The following PTPRN2 variants were observed in gnomAD, a reference collection of about 807,000 sequenced individuals.
The protein encoded by PTPRN2 is protein tyrosine phosphatase receptor type N2, also known as receptor-type tyrosine-protein phosphatase N2.
In PTPRN2, 74 loss-of-function variants were observed where a neutral mutation model predicts 118.8. The observed-to-expected ratio is 0.62, with a 90% CI of 0.52 to 0.76. PTPRN2 has a LOEUF of 0.76. Among genes scored for constraint, PTPRN2 ranks in the 30% least tolerant of loss-of-function variants. The pLI is 0.00. For synonymous variants in PTPRN2, 641 were observed against 608.0 expected (o/e 1.05, Z -0.80); for missense variants, 1,481 against 1,394.4 (o/e 1.06, Z -0.99).
chr7:158,348,968 C>T (rs1484801221), intron 2 of PTPRN2, among the ~76,000 whole-genome samples: 12 of 78,878 alleles, frequency 1.5e-4, no homozygotes, highest in African/African-American at 6.6e-4. Context: ...GGGTGGCCCA[C>T]GTCACTGCAC....
At chr7:157,878,858 C>G (rs1369705174) in intron 12 of PTPRN2, among the ~76,000 whole-genome samples, 3 of 120,514 alleles carry the variant, frequency 2.5e-5, no homozygotes, top group Non-Finnish European at 5.1e-5. Context: ...CCGAGGAGCT[C>G]TCGGATTCCG....
Position 157,615,014 on chromosome 7 carries a change from G to A in PTPRN2, c.2344+6348C>T, listed in dbSNP as rs1802664265. The stretch of plus-strand genomic sequence containing the variant: ...TTATAACGGGGCTGCAGCTACCTAG[G>A]AGAAGGCCCTTGTATTTAGGACCTG... On this transcript the variant is annotated intron_variant, in intron 15 of 22. Coordinates refer to ENST00000389418, the MANE Select transcript of PTPRN2 (RefSeq NM_002847.5). This position sits in a 1 kb window ranked among gnomAD's most constrained non-coding sequence, Gnocchi z 4.3. Among the ~76,000 whole-genome samples the A allele has an allele frequency of 6.6e-6, 1 of 152,198 alleles. No individual in the cohort carries two copies. The highest frequency in any genetic ancestry group is 6.5e-5 in the Admixed American group (1 of 15,282).
chr7:157,698,442 C>T (rs1044611861), intron 12 of PTPRN2, among the ~76,000 whole-genome samples: 2 of 152,238 alleles, frequency 1.3e-5, no homozygotes, highest in African/African-American at 4.8e-5. Flanking sequence ...GCTTGACATG[C>T]TTACATGAAA....
intron 6 of PTPRN2, among the ~76,000 whole-genome samples, chr7:158,141,630 T>C (rs1384067917): frequency 1.3e-5 from 2 of 152,224 alleles, no homozygotes; most frequent in Non-Finnish European, 2.9e-5. Flanking sequence ...ACACATTTTT[T>C]GAAGTGTTTT....
intron 12 of PTPRN2, among the ~76,000 whole-genome samples, chr7:157,772,282 G>GACAT (rs1563091979): frequency 8.3e-5 from 6 of 72,022 alleles, no homozygotes; most frequent in African/African-American, 3.6e-4. Flanking sequence ...GACATACACA[G>GACAT]ACACACAAAC....
rs111762867 is a variant in PTPRN2 at position 157,707,383 on chromosome 7, A to AC, written c.1789-24447dup. 9.2e-3 allele frequency among the ~76,000 whole-genome samples: 1,384 copies of AC among 151,032 alleles called. 19 individuals carry two copies. The highest frequency in any genetic ancestry group is 0.03 in the African/African-American group (1,247 of 41,074). ...AAGCACACATCACACGTGCATGGACACCCCCCCCACACACGTGGAGATAGA... is the reference window on the plus strand; with the variant it reads ...AAGCACACATCACACGTGCATGGACACCCCCCCCCACACACGTGGAGATAGA... On this transcript the variant is annotated intron_variant, in intron 12 of 22. Transcript: ENST00000389418.
rs1305654166 is a variant in PTPRN2 at position 157,858,114 on chromosome 7, CCA to C, written c.1788+40557_1788+40558del. Among the ~76,000 whole-genome samples the C allele has an allele frequency of 5.8e-3, 600 of 103,156 alleles. 4 individuals are homozygous for C. Among genetic ancestry groups the C allele is most frequent in the African/African-American group, 7.9e-3 (202 of 25,474 alleles). 67.7% of individuals were successfully genotyped at this position (103,156 alleles called of 152,430 possible). ...CCCACACTCCTGCAGGGAGAGCCTCCCAGCCACCACCCACACTCCTGCAGGGA... is the reference window on the plus strand; with the variant it reads ...CCCACACTCCTGCAGGGAGAGCCTCCGCCACCACCCACACTCCTGCAGGGA... On this transcript the variant is annotated intron_variant, in intron 12 of 22. Coordinates refer to ENST00000389418, the MANE Select transcript of PTPRN2 (RefSeq NM_002847.5).
chr7:158,508,278 C>T lies in PTPRN2; in HGVS notation c.113-18493G>A, dbSNP rs146757184. On this transcript the variant is annotated intron_variant, in intron 1 of 22. Transcript: ENST00000389418. Reference sequence around the variant, plus strand: ...GACACTGTGGTCATCCGAAAGCTTTCGATGGTCGGCAGGACTATGAATTGA... The same window carrying T: ...GACACTGTGGTCATCCGAAAGCTTTTGATGGTCGGCAGGACTATGAATTGA... Among the ~76,000 whole-genome samples the T allele has an allele frequency of 8.9e-3, 1,349 of 152,286 alleles. 18 individuals carry two copies. The highest frequency in any genetic ancestry group is 0.031 in the African/African-American group (1,275 of 41,560).
At chr7:158,333,923 ACT>A (rs1314214962) in intron 2 of PTPRN2, among the ~76,000 whole-genome samples, 838 of 135,178 alleles carry the variant, frequency 6.2e-3, no homozygotes, top group Middle Eastern at 7.5e-3. Context: ...TCACACCCAC[ACT>A]CTCACCATAA....
chr7:158,119,065 C>T (rs542323573), intron 9 of PTPRN2, among the ~76,000 whole-genome samples: 2 of 152,234 alleles, frequency 1.3e-5, no homozygotes, highest in African/African-American at 2.4e-5. Flanking sequence ...TTTAGTTTAA[C>T]GTAAAATTTC....
In PTPRN2 at chr7:158,072,710, G is replaced by A. The variant is rs1585347451; in HGVS notation, c.1723+8588C>T. ...TGACTCTGTGTTAGTCTGATCAACTGTGCACTCACAGGGGACACCAACTGC... is the reference window on the plus strand; with the variant it reads ...TGACTCTGTGTTAGTCTGATCAACTATGCACTCACAGGGGACACCAACTGC... On this transcript the variant is annotated intron_variant, in intron 11 of 22. Coordinates refer to ENST00000389418, the MANE Select transcript of PTPRN2 (RefSeq NM_002847.5). Among the ~76,000 whole-genome samples, 3 of 152,272 alleles carry A rather than the reference G, an allele frequency of 2.0e-5. No homozygotes were observed. In the South Asian group the frequency reaches 6.2e-4, roughly 32 times the overall value.
chr7:158,077,549 C>T (rs1388279168), intron 11 of PTPRN2, among the ~76,000 whole-genome samples: 1 of 26,772 alleles, frequency 3.7e-5, no homozygotes, highest in Non-Finnish European at 8.9e-5. Context: ...GCACAGGAGC[C>T]CCCTATGAGC....
intron 5 of PTPRN2, among the ~76,000 whole-genome samples, chr7:158,182,767 G>A (rs1824821146): frequency 6.6e-6 from 1 of 152,208 alleles, no homozygotes; most frequent in African/African-American, 2.4e-5. Context: ...ATATTCTGCA[G>A]TTCTTGATTA....
At chr7:158,326,577 C>T (rs934058306) in intron 2 of PTPRN2, among the ~76,000 whole-genome samples, 7 of 152,204 alleles carry the variant, frequency 4.6e-5, no homozygotes, top group Middle Eastern at 3.2e-3. Context: ...CTCACATACA[C>T]GTCCTCACAC....
At chr7:157,891,339 G>C (rs1480109984) in intron 12 of PTPRN2, among the ~76,000 whole-genome samples, 1 of 151,996 alleles carries the variant, frequency 6.6e-6, no homozygotes, top group African/African-American at 2.4e-5. Flanking sequence ...AGCTGGTTTC[G>C]AACACATCCG....
chr7:157,566,758 G>A (rs1799505389), intron 21 of PTPRN2, among the ~76,000 whole-genome samples: 1 of 152,218 alleles, frequency 6.6e-6, no homozygotes. Context: ...CCTGCCCCCC[G>A]TACCGGGGTC....
intron 12 of PTPRN2, among the ~76,000 whole-genome samples, chr7:157,873,859 G>A (rs569565959): frequency 6.6e-6 from 1 of 152,242 alleles, no homozygotes; most frequent in South Asian, 2.1e-4. Context: ...GGAAAGCGGA[G>A]GAGGAGGGAT....
In PTPRN2 at chr7:158,062,890, G is replaced by A. The variant is rs770428545; in HGVS notation, c.1723+18408C>T. Reference sequence around the variant, plus strand: ...GCTCCTGTGCGGCCTGAGCCTCCCCGACAAGCGCCGCCCCCTGCTCCGCGG... The same window carrying A: ...GCTCCTGTGCGGCCTGAGCCTCCCCAACAAGCGCCGCCCCCTGCTCCGCGG... On this transcript the variant is annotated intron_variant, in intron 11 of 22. Transcript: ENST00000389418. Among the ~76,000 whole-genome samples the A allele has an allele frequency of 1.1e-4, 16 of 152,202 alleles. 1 individual carries two copies. Among genetic ancestry groups the A allele is most frequent in the Admixed American group, 9.2e-4 (14 of 15,286 alleles).
chr7:157,852,010 C>G lies in PTPRN2; in HGVS notation c.1788+46663G>C, dbSNP rs529553462. Among the ~76,000 whole-genome samples, 224 of 152,314 alleles carry G rather than the reference C, an allele frequency of 1.5e-3. 1 individual carries two copies. The highest frequency in any genetic ancestry group is 3.5e-3 in the Admixed American group (53 of 15,306). On this transcript the variant is annotated intron_variant, in intron 12 of 22. Transcript: ENST00000389418. Reference sequence around the variant, plus strand: ...ATAACCACCCGCTCAGAAGAAAAAACCTCTGTGCAGAGCCTTTTGTGTTGA... The same window carrying G: ...ATAACCACCCGCTCAGAAGAAAAAAGCTCTGTGCAGAGCCTTTTGTGTTGA...
Sources: allele counts gnomAD v4.1 joint callset (sites outside exome capture counted in the v4.1 genomes callset), GRCh38; gene constraint gnomAD v4.1.1; non-coding constraint Gnocchi (gnomAD v3.1); transcripts MANE v1.5; gene names NCBI Gene and HGNC (gene_info 2026-07-23, HGNC 2026-07-21).